AKT3: variants seen among roughly 807,000 people sequenced by gnomAD.
AKT3 encodes the protein AKT serine/threonine kinase 3.
AKT3 carries 15 observed loss-of-function variants against 65.3 expected under a neutral mutation model. The ratio of observed to expected loss-of-function variants is 0.23; its 90% CI spans 0.15 to 0.35. AKT3 has a LOEUF of 0.35. Among genes scored for constraint, AKT3 ranks in the 10% least tolerant of loss-of-function variants. The probability of loss-of-function intolerance (pLI) is 1.00; values close to 1 mark genes in which losing one functional copy is unlikely to be tolerated. For synonymous variants in AKT3, 206 were observed against 183.8 expected (o/e 1.12, Z -0.98); for missense variants, 243 against 576.5 (o/e 0.42, Z 5.92).
chr1:243,637,861 T>A, intron 5 of AKT3, 119 bp from the exon 6 acceptor site: 2 of 610,706 alleles, frequency 3.3e-6, no homozygotes. Flanking sequence ...TATAAGCACA[T>A]TTAAATGAAA....
intron 8 of AKT3, among the ~76,000 whole-genome samples, chr1:243,582,044 GA>G (rs1675402364): frequency 1.3e-5 from 2 of 151,312 alleles, no homozygotes; most frequent in Admixed American, 6.6e-5. Flanking sequence ...CAAAAATAAA[GA>G]AAAAATAATT....
At chr1:243,845,798 T>C (rs1200143105) in intron 1 of AKT3, among the ~76,000 whole-genome samples, 1 of 152,016 alleles carries the variant, frequency 6.6e-6, no homozygotes, top group Non-Finnish European at 1.5e-5. Context: ...CAGATTAAAC[T>C]GAGCTACCCA....
chr1:243,775,860 C>A (rs892961793), intron 2 of AKT3, among the ~76,000 whole-genome samples: 1 of 151,992 alleles, frequency 6.6e-6, no homozygotes, highest in African/African-American at 2.4e-5. Context: ...CACTGAAAAA[C>A]CCGATCTATC....
chr1:243,536,038 G>A (rs1435236860), intron 12 of AKT3, among the ~76,000 whole-genome samples: 1 of 152,004 alleles, frequency 6.6e-6, no homozygotes, highest in Non-Finnish European at 1.5e-5. Context: ...CGAGAAATGT[G>A]TATTCATGTT....
At chr1:243,807,532 C>T (rs553141642) in intron 2 of AKT3, among the ~76,000 whole-genome samples, 25 of 152,266 alleles carry the variant, frequency 1.6e-4, no homozygotes, top group Admixed American at 3.3e-4. Context: ...ACAAAGCAGC[C>T]GGGAAGCTCG....
Position 243,499,942 on chromosome 1 carries a change from C to T in AKT3, c.*5307G>A. ...CTCATCAACGCGGGCGCTGTCCCCG[C>T]ACGCAGTCGGGCTGGAGCTGGAGTC... On this transcript the variant is annotated 3_prime_UTR_variant, in exon 14 of 14. Transcript: ENST00000673466. The T allele has an allele frequency of 1.4e-6, 1 of 704,882 alleles. No individual in the cohort carries two copies. The highest frequency in any genetic ancestry group is 1.5e-5 in the South Asian group (1 of 64,958). 43.7% of individuals were successfully genotyped at this position (704,882 alleles called of 1,614,324 possible). A position where few individuals can be genotyped will look rare whatever the true frequency, so the allele number is the denominator to read the frequency against.
At chr1:243,617,477 TTAA>T (rs1343468354) in intron 6 of AKT3, among the ~76,000 whole-genome samples, 1 of 151,828 alleles carries the variant, frequency 6.6e-6, no homozygotes, top group Non-Finnish European at 1.5e-5. Context: ...ATAAGGTAAC[TTAA>T]TAAAAAAAAT....
intron 2 of AKT3, among the ~76,000 whole-genome samples, chr1:243,737,851 C>G (rs1176758648): frequency 6.6e-6 from 1 of 152,082 alleles, no homozygotes; most frequent in Non-Finnish European, 1.5e-5. Flanking sequence ...TAAAATTGAT[C>G]TAGACTAAAG....
intron 2 of AKT3, among the ~76,000 whole-genome samples, chr1:243,824,497 A>C (rs1694044097): frequency 6.6e-6 from 1 of 152,188 alleles, no homozygotes; most frequent in South Asian, 2.1e-4. Flanking sequence ...AAATTTTTGC[A>C]ATCTATCCAT....
chr1:243,773,119 T>C (rs960465799), intron 2 of AKT3, among the ~76,000 whole-genome samples: 9 of 151,086 alleles, frequency 6.0e-5, no homozygotes, highest in African/African-American at 9.7e-5. Context: ...CACACCAACA[T>C]GGCACATGTA....
At chr1:243,767,866 A>G (rs1689930225) in intron 2 of AKT3, among the ~76,000 whole-genome samples, 1 of 151,986 alleles carries the variant, frequency 6.6e-6, no homozygotes, top group Non-Finnish European at 1.5e-5. Context: ...AAATATTTTA[A>G]TTTTCCCTAA....
chr1:243,838,719 T>C (rs1695051972), intron 2 of AKT3, among the ~76,000 whole-genome samples: 1 of 152,196 alleles, frequency 6.6e-6, no homozygotes, highest in Admixed American at 6.5e-5. Context: ...ACAAAATCTT[T>C]ATCCTGGCAT....
intron 2 of AKT3, among the ~76,000 whole-genome samples, chr1:243,819,668 C>A (rs1288033132): frequency 6.6e-6 from 1 of 152,228 alleles, no homozygotes; most frequent in Non-Finnish European, 1.5e-5. Flanking sequence ...TAAGCAGGTC[C>A]TGGATCTTGT....
downstream of AKT3, among the ~76,000 whole-genome samples, chr1:243,498,634 C>T (rs914657801): frequency 6.6e-6 from 1 of 152,232 alleles, no homozygotes; most frequent in East Asian, 1.9e-4. Flanking sequence ...TACTTTTTCT[C>T]ATTTTTCATA....
rs1395927027 is a variant in AKT3, at chr1:243,693,274, A to G, written c.172+2317T>C. 1.0e-4 allele frequency among the ~76,000 whole-genome samples: 11 copies of G among 110,182 alleles called. 2 individuals carry two copies. In the South Asian group the frequency reaches 3.4e-3, roughly 34 times the overall value. The allele number at this position is 110,182 out of a possible 152,430, so 72.3% of individuals were successfully genotyped here. ...TATATATATATATATATATATATAT[A>G]TATATATATATATATATATAACATT... On this transcript the variant is annotated intron_variant, in intron 3 of 13. Transcript: ENST00000673466.
intron 8 of AKT3, among the ~76,000 whole-genome samples, chr1:243,576,462 G>T (rs1447576556): frequency 6.6e-6 from 1 of 152,150 alleles, no homozygotes; most frequent in Admixed American, 6.6e-5. Flanking sequence ...GTTTGCAGAT[G>T]ACATGATCCT....
At chr1:243,810,873 A>C (rs1347914265) in intron 2 of AKT3, among the ~76,000 whole-genome samples, 2 of 152,254 alleles carry the variant, frequency 1.3e-5, no homozygotes, top group African/African-American at 4.8e-5. Context: ...CTGGTTCAAC[A>C]TATGCAAATC....
At chr1:243,660,055 G>T (rs915404717) in intron 4 of AKT3, among the ~76,000 whole-genome samples, 47 of 152,006 alleles carry the variant, frequency 3.1e-4, no homozygotes, top group African/African-American at 1.1e-3. Context: ...AGAAGGAATG[G>T]TACCAGTTCC....
At chr1:243,565,807 T>A (rs186240773) in intron 9 of AKT3, among the ~76,000 whole-genome samples, 1 of 152,208 alleles carries the variant, frequency 6.6e-6, no homozygotes, top group African/African-American at 2.4e-5. Context: ...AAGTATATAC[T>A]AAAGCTTCTG....
Sources: allele counts gnomAD v4.1 joint callset (sites outside exome capture counted in the v4.1 genomes callset), GRCh38; gene constraint gnomAD v4.1.1; transcripts MANE v1.5; gene names NCBI Gene and HGNC (gene_info 2026-07-23, HGNC 2026-07-21).